Variants in KCNMA1 observed in about 807,000 individuals in gnomAD.
KCNMA1 encodes the protein potassium calcium-activated channel subfamily M alpha 1, also known as Calcium-activated potassium channel subunit alpha-1.
Under a neutral mutation model 140.0 loss-of-function variants are expected in KCNMA1, and 29 were observed. The observed-to-expected ratio is 0.21, with a 90% CI of 0.15 to 0.28. The LOEUF is 0.28. Among genes scored for constraint, KCNMA1 ranks in the 10% least tolerant of loss-of-function variants. The pLI is 1.00. For missense variants in KCNMA1, 880 were observed against 1,602.2 expected (o/e 0.55, Z 7.70); for synonymous variants, 612 against 611.9 (o/e 1.00, Z 0.00).
chr10:77,621,492 A>T (rs2091353505), intron 1 of KCNMA1, among the ~76,000 whole-genome samples: 1 of 151,330 alleles, frequency 6.6e-6, no homozygotes, highest in South Asian at 2.1e-4. Flanking sequence ...TGCTCTCTTG[A>T]ATCTGTGTGC....
At chr10:76,901,066 C>A (rs2045112770) in intron 25 of KCNMA1, among the ~76,000 whole-genome samples, 1 of 152,050 alleles carries the variant, frequency 6.6e-6, no homozygotes, top group South Asian at 2.1e-4. Context: ...CATCCACAGA[C>A]TGGAGTCTCA....
intron 22 of KCNMA1, among the ~76,000 whole-genome samples, chr10:76,948,023 G>A (rs1341779851): frequency 6.7e-6 from 1 of 149,408 alleles, no homozygotes; most frequent in Non-Finnish European, 1.5e-5. Context: ...GTTTTTGTTT[G>A]AGGCAGGCTC....
At chr10:77,326,164 T>C (rs535530239) in intron 2 of KCNMA1, among the ~76,000 whole-genome samples, 9 of 152,280 alleles carry the variant, frequency 5.9e-5, no homozygotes, top group Admixed American at 5.9e-4. Flanking sequence ...AACCCACAAC[T>C]TCCCTCACTG....
intron 1 of KCNMA1, among the ~76,000 whole-genome samples, chr10:77,603,263 T>G (rs2083281143): frequency 6.6e-6 from 1 of 152,188 alleles, no homozygotes; most frequent in Admixed American, 6.5e-5. Flanking sequence ...CAGGACTTCC[T>G]GCAGAGTCAG....
chr10:77,285,692 C>CA (rs11455926), intron 2 of KCNMA1, among the ~76,000 whole-genome samples: 127,575 of 152,118 alleles, frequency 0.84, 53,668 homozygotes, highest in Middle Eastern at 0.9. Flanking sequence ...TGGGTGTTAC[C>CA]ACATGGCATA....
intron 2 of KCNMA1, chr10:77,315,400 C>A (rs1317515684): frequency 6.6e-6 from 1 of 152,176 alleles, no homozygotes; most frequent in African/African-American, 2.4e-5. Context: ...CGTGATTATT[C>A]TCGGTTCTGT....
intron 2 of KCNMA1, among the ~76,000 whole-genome samples, chr10:77,337,551 C>T (rs11813298): frequency 0.17 from 26,479 of 152,068 alleles, 2,454 homozygotes; most frequent in East Asian, 0.33. Context: ...GCCCGAGAGG[C>T]GGAGGTTGTA....
At chr10:76,914,905 A>G in intron 24 of KCNMA1, 31 bp downstream of exon 24, 1 of 1,481,744 alleles carries the variant, frequency 6.7e-7, no homozygotes, top group East Asian at 2.3e-5. Context: ...ACAGAACAAA[A>G]ACTCCCCCCA....
intron 3 of KCNMA1, among the ~76,000 whole-genome samples, chr10:77,239,782 C>G (rs997172651): frequency 6.6e-6 from 1 of 152,196 alleles, no homozygotes; most frequent in Admixed American, 6.5e-5. Flanking sequence ...GGGGAAAAGT[C>G]TAAGTATGCC....
chr10:76,896,860 TA>T (rs141576465), intron 25 of KCNMA1, among the ~76,000 whole-genome samples: 51 of 147,836 alleles, frequency 3.4e-4, no homozygotes, highest in East Asian at 2.0e-3. Flanking sequence ...GTGAATATGC[TA>T]AAAAAAAAAC....
chr10:76,953,171 A>G (rs776724609), intron 21 of KCNMA1, among the ~76,000 whole-genome samples: 2 of 152,188 alleles, frequency 1.3e-5, no homozygotes, highest in Non-Finnish European at 2.9e-5. Context: ...CATTATTGTC[A>G]TCATTATGTC....
intron 9 of KCNMA1, among the ~76,000 whole-genome samples, chr10:77,103,662 T>C (rs552751958): frequency 9.9e-5 from 15 of 152,204 alleles, no homozygotes; most frequent in Admixed American, 4.6e-4. Flanking sequence ...TCACTTTAGG[T>C]GTGGTTCATC....
At chr10:77,545,551 GA>G (rs1375423135) in intron 1 of KCNMA1, among the ~76,000 whole-genome samples, 15 of 152,184 alleles carry the variant, frequency 9.9e-5, no homozygotes, top group Non-Finnish European at 2.2e-4. Flanking sequence ...CCAGCCAGCA[GA>G]GTATATACTG....
chr10:77,158,505 G>C (rs1339792763), intron 5 of KCNMA1, among the ~76,000 whole-genome samples: 1 of 152,062 alleles, frequency 6.6e-6, no homozygotes, highest in African/African-American at 2.4e-5. Flanking sequence ...TTTCATGGAA[G>C]TGAGAGTTGT....
intron 1 of KCNMA1, among the ~76,000 whole-genome samples, chr10:77,546,456 G>A (rs1190132049): frequency 4.6e-5 from 7 of 151,816 alleles, no homozygotes; most frequent in African/African-American, 1.7e-4. Context: ...ACCAGCCAGG[G>A]AGCCCCTCCA....
intron 25 of KCNMA1, among the ~76,000 whole-genome samples, chr10:76,894,882 G>T (rs1401014197): frequency 6.6e-6 from 1 of 152,168 alleles, no homozygotes; most frequent in Non-Finnish European, 1.5e-5. Context: ...GGAATGTAAA[G>T]TGGTGCAGTT....
intron 15 of KCNMA1, among the ~76,000 whole-genome samples, chr10:77,036,627 G>A (rs917289803): frequency 1.3e-5 from 2 of 151,946 alleles, no homozygotes; most frequent in Admixed American, 6.6e-5. Flanking sequence ...TTTCTTCTTC[G>A]TGAACCAGCT....
In KCNMA1 at chr10:77,304,632, A is replaced by C. The variant is rs575006590; in HGVS notation, c.541-53376T>G. The C allele has an allele frequency of 2.0e-5, 3 of 152,374 alleles. No homozygotes were observed. The East Asian group carries it at 5.8e-4, about 29-fold the overall frequency. 9.4% of individuals were successfully genotyped at this position (152,374 alleles called of 1,614,324 possible). A position where few individuals can be genotyped will look rare whatever the true frequency, so the allele number is the denominator to read the frequency against. ...CAAAAAATATTTGCTTTTGCCTTAAATCTACCAAAAGTGGATCACAGGTTG... is the reference window on the plus strand; with the variant it reads ...CAAAAAATATTTGCTTTTGCCTTAACTCTACCAAAAGTGGATCACAGGTTG... On this transcript the variant is annotated intron_variant, in intron 2 of 27. Coordinates refer to ENST00000286628, the MANE Select transcript of KCNMA1 (RefSeq NM_001161352.2).
chr10:77,174,037 T>G (rs1186606308), intron 5 of KCNMA1, among the ~76,000 whole-genome samples: 4 of 152,106 alleles, frequency 2.6e-5, no homozygotes, highest in Non-Finnish European at 5.9e-5. Context: ...TGCTCACAAA[T>G]CCAGCAAATT....
Sources: gnomAD v4.1 joint callset for allele counts (sites outside exome capture counted in the v4.1 genomes callset) on GRCh38, gnomAD v4.1.1 for gene constraint, MANE v1.5 for transcripts, NCBI Gene and HGNC (gene_info 2026-07-23, HGNC 2026-07-21) for gene names.